The following PRMT8 variants were observed in gnomAD, a reference collection of about 807,000 sequenced individuals.
PRMT8 encodes protein arginine N-methyltransferase 8.
PRMT8 carries 7 observed loss-of-function variants against 47.1 expected under a neutral mutation model. The observed-to-expected ratio is 0.15, with a 90% CI of 0.08 to 0.28. The LOEUF (loss-of-function observed/expected upper bound fraction) is 0.28, where lower values mean the gene tolerates loss of function less well. Ranked by LOEUF, PRMT8 falls within the 10% of genes least tolerant of loss-of-function variation. The pLI is 1.00. For synonymous variants in PRMT8, 188 were observed against 186.5 expected, an observed-to-expected ratio of 1.01 and a Z score of -0.07; for missense variants, 237 against 505.4, an observed-to-expected ratio of 0.47 and a Z score of 5.09.
At chr12:3,523,638 G>C (rs936352754) in intron 1 of PRMT8, among the ~76,000 whole-genome samples, 1 of 152,218 alleles carries the variant, frequency 6.6e-6, no homozygotes, top group Non-Finnish European at 1.5e-5. Context: ...CTTAATAAGA[G>C]CGACTGTTAC....
At chr12:3,442,909 G>A (rs907603627) in intron 1 of PRMT8, among the ~76,000 whole-genome samples, 14 of 152,006 alleles carry the variant, frequency 9.2e-5, no homozygotes, top group African/African-American at 2.2e-4. Flanking sequence ...CACCCGCCTC[G>A]GCCTCCCAAA....
At chr12:3,542,713 G>A (rs1055579312) in intron 2 of PRMT8, among the ~76,000 whole-genome samples, 11 of 152,174 alleles carry the variant, frequency 7.2e-5, no homozygotes, top group Admixed American at 2.0e-4. Flanking sequence ...CGGAGCCTCC[G>A]TGATCGGCTT....
intron 7 of PRMT8, 76 bp from the exon 8 acceptor site, chr12:3,582,980 CAG>C (rs1867098596): frequency 3.3e-6 from 5 of 1,524,130 alleles, no homozygotes; most frequent in Middle Eastern, 2.4e-4. Flanking sequence ...CAGTCTCTCA[CAG>C]AACGAGGCTG....
chr12:3,429,731 A>G lies in PRMT8; in HGVS notation c.48+48289A>G, dbSNP rs527335886. Among the ~76,000 whole-genome samples the G allele has an allele frequency of 2.6e-5, 4 of 152,362 alleles. No individual in the cohort carries two copies. The South Asian group carries it at 6.2e-4, about 24-fold the overall frequency. On this transcript the variant is annotated intron_variant, in intron 1 of 9. Transcript: ENST00000452611. ...CCAAGTTTCAGATGTCTGGACTCCC[A>G]AGTGCCAGTTCCTTCCCGGTGTTCA...
At chr12:3,400,972 T>C (rs915904293) in intron 1 of PRMT8, among the ~76,000 whole-genome samples, 12 of 151,758 alleles carry the variant, frequency 7.9e-5, no homozygotes, top group African/African-American at 2.9e-4. Context: ...GGAGAAACCC[T>C]GTCTCTACTA....
rs1434692080 is a variant in PRMT8 at position 3,566,863 on chromosome 12, G to A, written c.482-1843G>A. 3.3e-5 allele frequency among the ~76,000 whole-genome samples: 5 copies of A among 152,112 alleles called. No individual in the cohort carries two copies. Among genetic ancestry groups the A allele is most frequent in the Admixed American group, 6.6e-5 (1 of 15,266 alleles). On this transcript the variant is annotated intron_variant, in intron 4 of 9. Transcript: ENST00000382622. This position sits in a 1 kb window ranked among gnomAD's most constrained non-coding sequence, Gnocchi z 4.7. ...GCATGAATATATGTAACCTTTCAAA[G>A]GAAATGTTCAGAAAGAACAAACCAA...
At chr12:3,397,740 C>T (rs1444813531) in intron 1 of PRMT8, among the ~76,000 whole-genome samples, 2 of 152,104 alleles carry the variant, frequency 1.3e-5, no homozygotes, top group East Asian at 1.9e-4. Flanking sequence ...GGGCTCCCCC[C>T]AGTTCGTGCT....
At chr12:3,466,718 A>G (rs760857523) in intron 1 of PRMT8, among the ~76,000 whole-genome samples, 3 of 152,174 alleles carry the variant, frequency 2.0e-5, no homozygotes, top group Non-Finnish European at 4.4e-5. Context: ...AGTTTTATCA[A>G]TCTGTCAAAA....
chr12:3,429,770 T>A (rs1405977189), intron 1 of PRMT8, among the ~76,000 whole-genome samples: 3 of 152,216 alleles, frequency 2.0e-5, no homozygotes, highest in Non-Finnish European at 4.4e-5. Flanking sequence ...ACTGTGTTGA[T>A]CTTCCGTGGG....
Position 3,457,852 on chromosome 12 carries a change from T to C in PRMT8, c.48+76410T>C, listed in dbSNP as rs1481182681. Among the ~76,000 whole-genome samples, 12 of 56,308 alleles carry C rather than the reference T, an allele frequency of 2.1e-4. No individual in the cohort carries two copies. In the East Asian group the frequency reaches 5.1e-3, roughly 24 times the overall value. 36.9% of individuals were successfully genotyped at this position (56,308 alleles called of 152,430 possible). A position where few individuals can be genotyped will look rare whatever the true frequency, so the allele number is the denominator to read the frequency against. On this transcript the variant is annotated intron_variant, in intron 1 of 9. Coordinates refer to the PRMT8 transcript ENST00000452611. ...GGTCTTTCCAGTTTGCTTTTTTTTT[T>C]TTTTTTTTTTTTTTAAGACAGCGTT...
At position 3,540,687 on chromosome 12, in the gene PRMT8, C is replaced by A; in HGVS notation, c.157C>A (p.Pro53Thr). Residue 53 changes from proline to threonine, a missense_variant, in exon 2 of 10, where the codon CCC becomes ACC. Pro to Thr is a conservative substitution (Grantham distance 38). Coordinates refer to ENST00000382622, the MANE Select transcript of PRMT8 (RefSeq NM_019854.5). ...VQCVHHVSTQ[P>T]SCPGRGKMSK... ...ATGCGTCCATCATGTGTCCACTCAACCCAGCTGCCCAGGACGGGGCAAGAT... is the reference window on the plus strand; with the variant it reads ...ATGCGTCCATCATGTGTCCACTCAAACCAGCTGCCCAGGACGGGGCAAGAT... 7.1e-7 allele frequency: 1 copy of A among 1,414,348 alleles called. No homozygotes were observed. The highest frequency in any genetic ancestry group is 9.5e-7 in the Non-Finnish European group (1 of 1,053,056). 87.6% of individuals were successfully genotyped at this position (1,414,348 alleles called of 1,614,324 possible).
In PRMT8 at chr12:3,583,299, A is replaced by G; in HGVS notation, c.979+91A>G. Reference sequence around the variant, plus strand: ...GACCAGAGCTGGCCTTGACTTGGGGAGAAGGGGCTGGGTGTTAGCTGGGTG... The same window carrying G: ...GACCAGAGCTGGCCTTGACTTGGGGGGAAGGGGCTGGGTGTTAGCTGGGTG... On this transcript the variant is annotated intron_variant, in intron 8 of 9. Transcript: ENST00000382622. The surrounding 1 kb of genome is among the most constrained non-coding windows in gnomAD (Gnocchi z 4.7). 7.1e-7 allele frequency: 1 copy of G among 1,408,020 alleles called. No individual in the cohort carries two copies. Among genetic ancestry groups the G allele is most frequent in the Non-Finnish European group, 9.6e-7 (1 of 1,043,650 alleles). 87.2% of individuals were successfully genotyped at this position (1,408,020 alleles called of 1,614,324 possible). A position where few individuals can be genotyped will look rare whatever the true frequency, so the allele number is the denominator to read the frequency against.
At chr12:3,527,856 A>T (rs996197832) in intron 1 of PRMT8, among the ~76,000 whole-genome samples, 3 of 152,102 alleles carry the variant, frequency 2.0e-5, no homozygotes, top group Admixed American at 6.5e-5. Flanking sequence ...CAGTTTTTGT[A>T]TGTCTCTAAA....
In PRMT8 at chr12:3,569,554, C is replaced by T. The variant is rs752671291; in HGVS notation, c.702C>T (p.Phe234=). The change falls in exon 6 of 10, where the codon TTC becomes TTT. Residue 234 remains phenylalanine (F), a synonymous_variant. Transcript: ENST00000382622. This position sits in a 1 kb window ranked among gnomAD's most constrained non-coding sequence, Gnocchi z 8.2. ...TTGAAGACAGACAGTACAAGGACTT[C>T]AAAATCCACTGTAAGTCCCCTCTTG... ...VAIEDRQYKD[F]KIHWWENVYG... 6.2e-7 allele frequency: 1 copy of T among 1,614,030 alleles called. No homozygotes were observed. Among genetic ancestry groups the T allele is most frequent in the South Asian group, 1.1e-5 (1 of 91,070 alleles).
chr12:3,491,524 G>T lies in PRMT8; in HGVS notation c.-102G>T. On this transcript the variant is annotated 5_prime_UTR_variant, in exon 1 of 10. Transcript: ENST00000382622. The stretch of plus-strand genomic sequence containing the variant: ...ACGCTCCAGCTGAGGGGCTGGGTTG[G>T]ATTTTTTTTTTTCTCCCATCCTCTC... 1 of 1,469,392 alleles carries T rather than the reference G, an allele frequency of 6.8e-7. No individual in the cohort carries two copies. The highest frequency in any genetic ancestry group is 9.0e-7 in the Non-Finnish European group (1 of 1,111,324). The allele number at this position is 1,469,392 out of a possible 1,614,324, so 91.0% of individuals were successfully genotyped here. A position where few individuals can be genotyped will look rare whatever the true frequency, so the allele number is the denominator to read the frequency against.
intron 1 of PRMT8, among the ~76,000 whole-genome samples, chr12:3,507,061 TTGTCAC>T (rs1865638715): frequency 6.6e-6 from 1 of 152,140 alleles, no homozygotes; most frequent in Non-Finnish European, 1.5e-5. Context: ...AGGGCCCCAT[TTGTCAC>T]TGTATTGTGA....
intron 1 of PRMT8, among the ~76,000 whole-genome samples, chr12:3,385,173 A>G (rs903900050): frequency 2.0e-5 from 3 of 152,136 alleles, no homozygotes; most frequent in African/African-American, 7.2e-5. Flanking sequence ...TAATTGATTT[A>G]TATCCTTTAT....
chr12:3,582,999 G>A (rs1235985410), intron 7 of PRMT8, 59 bp from the exon 8 acceptor site: 95 of 1,576,744 alleles, frequency 6.0e-5, no homozygotes, highest in Admixed American at 1.8e-4. Context: ...GCTGCTGACC[G>A]GGACCCAGAC....
intron 1 of PRMT8, among the ~76,000 whole-genome samples, chr12:3,471,154 T>C (rs1036653930): frequency 6.6e-6 from 1 of 151,792 alleles, no homozygotes; most frequent in Non-Finnish European, 1.5e-5. Flanking sequence ...CTTTAAGAGA[T>C]TGGACTGAGA....
Sources: allele counts gnomAD v4.1 joint callset (sites outside exome capture counted in the v4.1 genomes callset), GRCh38; gene constraint gnomAD v4.1.1; non-coding constraint Gnocchi (gnomAD v3.1); transcripts MANE v1.5; gene names NCBI Gene and HGNC (gene_info 2026-07-23, HGNC 2026-07-21).